The following EXOC6B variants were observed in gnomAD, a reference collection of about 807,000 sequenced individuals.
EXOC6B encodes SEC15 homolog B.
In EXOC6B, 54 loss-of-function variants were observed where a neutral mutation model predicts 113.5. The ratio of observed to expected loss-of-function variants is 0.48; its 90% CI spans 0.38 to 0.60. The LOEUF (loss-of-function observed/expected upper bound fraction) is 0.60. Ranked by LOEUF, EXOC6B falls within the 20% of genes least tolerant of loss-of-function variation. The pLI, the probability that EXOC6B is intolerant of heterozygous loss-of-function variation, is 0.00. For missense variants in EXOC6B, 797 were observed against 977.5 expected, an observed-to-expected ratio of 0.82 and a Z score of 2.46; for synonymous variants, 357 against 339.0, an observed-to-expected ratio of 1.05 and a Z score of -0.58.
intron 6 of EXOC6B, among the ~76,000 whole-genome samples, chr2:72,623,290 A>G (rs1163355782): frequency 2.0e-5 from 3 of 152,176 alleles, no homozygotes; most frequent in African/African-American, 7.2e-5. Context: ...ACATATCTAT[A>G]CCTCTAACCT....
At chr2:72,643,138 A>C (rs982449688) in intron 6 of EXOC6B, among the ~76,000 whole-genome samples, 10 of 151,910 alleles carry the variant, frequency 6.6e-5, no homozygotes, top group Non-Finnish European at 1.3e-4. Context: ...GATGTGGAGA[A>C]ATAGGAACAC....
intron 20 of EXOC6B, among the ~76,000 whole-genome samples, chr2:72,234,104 T>TTTA (rs1681809272): frequency 1.4e-5 from 2 of 147,526 alleles, no homozygotes; most frequent in South Asian, 2.1e-4. Context: ...TTTTTTTTTT[T>TTTA]AAGACAGAGT....
At chr2:72,804,457 A>T (rs1265558040) in intron 1 of EXOC6B, among the ~76,000 whole-genome samples, 3 of 152,210 alleles carry the variant, frequency 2.0e-5, no homozygotes, top group African/African-American at 7.2e-5. Context: ...TAAAAATTTT[A>T]TCTGATGAAC....
chr2:72,757,811 CT>C (rs929436122), intron 1 of EXOC6B, among the ~76,000 whole-genome samples: 3 of 152,106 alleles, frequency 2.0e-5, no homozygotes, highest in African/African-American at 7.2e-5. Flanking sequence ...AATTCAGTGT[CT>C]TTTCCATATT....
intron 18 of EXOC6B, among the ~76,000 whole-genome samples, chr2:72,442,364 T>C (rs1275681645): frequency 1.3e-5 from 2 of 152,070 alleles, no homozygotes; most frequent in African/African-American, 4.8e-5. Context: ...ATGCCCTCTC[T>C]CAAGACTCAT....
chr2:72,743,561 CATG>C (rs1459845683), intron 1 of EXOC6B, among the ~76,000 whole-genome samples: 1 of 152,062 alleles, frequency 6.6e-6, no homozygotes, highest in African/African-American at 2.4e-5. Context: ...CCTCACCGTC[CATG>C]ATATGTTGTC....
intron 1 of EXOC6B, among the ~76,000 whole-genome samples, chr2:72,755,170 T>C (rs1682332227): frequency 6.6e-6 from 1 of 152,136 alleles, no homozygotes; most frequent in African/African-American, 2.4e-5. Context: ...TACTGTCATC[T>C]TGTTTTGCCT....
chr2:72,754,632 A>G (rs1206736768), intron 1 of EXOC6B, among the ~76,000 whole-genome samples: 31 of 143,728 alleles, frequency 2.2e-4, no homozygotes, highest in African/African-American at 7.5e-4. Context: ...TTTTTTTTAG[A>G]GACAGTATCT....
chr2:72,621,540 CT>C (rs1671749644), intron 6 of EXOC6B, among the ~76,000 whole-genome samples: 1 of 152,072 alleles, frequency 6.6e-6, no homozygotes, highest in Admixed American at 6.6e-5. Flanking sequence ...GGTTGAAAAC[CT>C]ACCTATTGGG....
At chr2:72,250,771 T>C (rs895404433) in intron 20 of EXOC6B, among the ~76,000 whole-genome samples, 17 of 152,130 alleles carry the variant, frequency 1.1e-4, no homozygotes, top group African/African-American at 3.4e-4. Context: ...AAAAAAAACC[T>C]CAATTTCAAT....
intron 20 of EXOC6B, among the ~76,000 whole-genome samples, chr2:72,264,103 T>C (rs1683900828): frequency 6.6e-6 from 1 of 152,200 alleles, no homozygotes; most frequent in African/African-American, 2.4e-5. Flanking sequence ...ACAGAGCAGA[T>C]GTCATATACT....
rs1681316321 is a variant in EXOC6B at position 72,741,430 on chromosome 2, C to G, written c.153G>C (p.Glu51Asp). ...YDGEEHGRFM[E>D]KLETRIRNHD... is the part of the protein sequence containing the mutation. ...GATTACGGATACGAGTTTCAAGCTTCTCCATGAAACGTCCATGTTCTTCAC... is the reference window on the plus strand; with the variant it reads ...GATTACGGATACGAGTTTCAAGCTTGTCCATGAAACGTCCATGTTCTTCAC... Residue 51 changes from glutamate to aspartate, a missense_variant, in exon 2 of 22, where the codon GAG (glutamate) becomes GAC (aspartate). Transcript: ENST00000272427. 6 of 1,613,524 alleles carry G rather than the reference C, an allele frequency of 3.7e-6. No homozygotes were observed. The highest frequency in any genetic ancestry group is 5.1e-6 in the Non-Finnish European group (6 of 1,179,756).
At chr2:72,646,339 T>C (rs1288005730) in intron 6 of EXOC6B, among the ~76,000 whole-genome samples, 2 of 151,886 alleles carry the variant, frequency 1.3e-5, no homozygotes, top group Non-Finnish European at 2.9e-5. Flanking sequence ...ACCAGACAGA[T>C]TCACAGCTGG....
intron 18 of EXOC6B, among the ~76,000 whole-genome samples, chr2:72,383,905 C>G (rs937424763): frequency 2.0e-5 from 3 of 152,018 alleles, no homozygotes; most frequent in Non-Finnish European, 4.4e-5. Flanking sequence ...GAACAGAAAA[C>G]CAAATGCCTC....
In EXOC6B at chr2:72,653,192, G is replaced by T. The variant is rs1248011403; in HGVS notation, c.669+64911C>A. Among the ~76,000 whole-genome samples the T allele has an allele frequency of 3.3e-5, 5 of 151,362 alleles. No homozygotes were observed. The South Asian group carries it at 6.3e-4, about 19-fold the overall frequency. On this transcript the variant is annotated intron_variant, in intron 6 of 21. Coordinates refer to ENST00000272427, the MANE Select transcript of EXOC6B (RefSeq NM_015189.3). ...CAATGATAGACTGGATTAAGAAAATGTGGCACATATACACCATGGAATACT... is the reference window on the plus strand; with the variant it reads ...CAATGATAGACTGGATTAAGAAAATTTGGCACATATACACCATGGAATACT...
chr2:72,533,452 G>A (rs991114177), intron 8 of EXOC6B, among the ~76,000 whole-genome samples: 3 of 152,226 alleles, frequency 2.0e-5, no homozygotes, highest in Non-Finnish European at 2.9e-5. Context: ...CAGGCCCAAA[G>A]AGACCTTGTA....
chr2:72,465,044 T>C, intron 18 of EXOC6B, 116 bp downstream of exon 18: 1 of 815,762 alleles, frequency 1.2e-6, no homozygotes, highest in Non-Finnish European at 2.0e-6. Flanking sequence ...AGCATGCGCC[T>C]TTATATACTG....
In EXOC6B at chr2:72,379,851, G is replaced by A. The variant is rs779061450; in HGVS notation, c.2000C>T (p.Ala667Val). The change falls in exon 19 of 22, where the codon GCG becomes GTG. Residue 667 changes from alanine (A) to valine (V), a missense_variant. Physicochemically the swap from Ala to Val is moderately conservative, Grantham distance 64. Transcript: ENST00000272427. Reference protein sequence around the residue: ...THLPGKVAQTACMSACKHLAT... With the variant: ...THLPGKVAQTVCMSACKHLAT... ...TAAATGCTTGCAAGCTGACATACAC[G>A]CTGTCTGGGCCACCTTTCCCTGAAA... The A allele has an allele frequency of 1.6e-5, 26 of 1,610,330 alleles. No homozygotes were observed. Among genetic ancestry groups the A allele is most frequent in the African/African-American group, 2.7e-5 (2 of 74,838 alleles).
At chr2:72,340,292 A>C (rs1391416118) in intron 19 of EXOC6B, among the ~76,000 whole-genome samples, 1 of 152,206 alleles carries the variant, frequency 6.6e-6, no homozygotes, top group Non-Finnish European at 1.5e-5. Flanking sequence ...GGAGTTTATC[A>C]AAAGAAGTCT....
Sources: allele counts gnomAD v4.1 joint callset (sites outside exome capture counted in the v4.1 genomes callset), GRCh38; gene constraint gnomAD v4.1.1; transcripts MANE v1.5; gene names NCBI Gene and HGNC (gene_info 2026-07-23, HGNC 2026-07-21).